BMP2K: variants seen among roughly 807,000 people sequenced by gnomAD.
The protein encoded by BMP2K is BMP2 inducible kinase.
BMP2K carries 74 observed loss-of-function variants against 116.0 expected under a neutral mutation model. The observed-to-expected ratio is 0.64, with a 90% CI of 0.53 to 0.77. The LOEUF (loss-of-function observed/expected upper bound fraction) is 0.77, where lower values mean the gene tolerates loss of function less well. BMP2K is among the 30% of genes least tolerant of loss of function. BMP2K has a pLI of 0.00. For synonymous variants in BMP2K, 486 were observed against 502.5 expected (o/e 0.97, Z 0.44); for missense variants, 1,365 against 1,403.6 (o/e 0.97, Z 0.44).
chr4:78,787,248 A>G (rs1727773278), intron 1 of BMP2K, among the ~76,000 whole-genome samples: 1 of 152,208 alleles, frequency 6.6e-6, no homozygotes, highest in Non-Finnish European at 1.5e-5. Flanking sequence ...CTGTTTTTGA[A>G]GTTCTGTCCA....
chr4:78,839,095 A>C lies in BMP2K; in HGVS notation c.404-3290A>C, dbSNP rs975875567. The stretch of plus-strand genomic sequence containing the variant: ...TTAATTAAAAAAAATTCCAAAACTC[A>C]ATAGCATAAAATAACTTTCGTTTAT... On this transcript the variant is annotated intron_variant, in intron 3 of 15. Transcript: ENST00000502613. 2.0e-5 allele frequency among the ~76,000 whole-genome samples: 3 copies of C among 152,326 alleles called. No individual in the cohort carries two copies. In the East Asian group the frequency reaches 5.8e-4, roughly 29 times the overall value.
intron 15 of BMP2K, among the ~76,000 whole-genome samples, chr4:78,895,100 A>G (rs1733634861): frequency 2.6e-5 from 4 of 152,222 alleles, no homozygotes; most frequent in Admixed American, 2.6e-4. Flanking sequence ...ATACAATAAT[A>G]ATGAAAAAGT....
rs201291536 is a variant in BMP2K, at chr4:78,870,785, G to T, written c.1234G>T (p.Ala412Ser). The T allele has an allele frequency of 1.1e-5, 18 of 1,612,912 alleles. No homozygotes were observed. The African/African-American group carries it at 1.9e-4, about 17-fold the overall frequency. Residue 412 changes from alanine to serine, a missense_variant and splice_region_variant, in exon 11 of 16, where the codon GCA becomes TCA. By Grantham distance (99) the Ala-to-Ser change is moderately conservative. Coordinates refer to ENST00000502613, the MANE Select transcript of BMP2K (RefSeq NM_198892.2). ...TAAGTGTTTGGACCTGTCTTTAGGG[G>T]CACTAAGACCTGGAAATGGCCCTGA... ...GEFGNHRPKGALRPGNGPEIL... is the reference protein window; with the variant it reads ...GEFGNHRPKGSLRPGNGPEIL...
At chr4:78,820,737 A>G (rs1431169010) in intron 1 of BMP2K, 1 of 152,192 alleles carries the variant, frequency 6.6e-6, no homozygotes, top group Non-Finnish European at 1.5e-5. Context: ...ACACCCAGTT[A>G]ATTTTTGTAT....
At chr4:78,857,699 A>C (rs955768936) in intron 7 of BMP2K, among the ~76,000 whole-genome samples, 3 of 152,088 alleles carry the variant, frequency 2.0e-5, no homozygotes, top group Admixed American at 6.6e-5. Flanking sequence ...ACCCTGTGTC[A>C]CTCACTGCTA....
chr4:78,844,854 A>AT, intron 4 of BMP2K, 74 bp from the exon 5 acceptor site: 2 of 1,369,308 alleles, frequency 1.5e-6, no homozygotes, highest in Non-Finnish European at 2.1e-6. Context: ...ACAAATAACC[A>AT]TTTTTTACAA....
chr4:78,824,971 G>A (rs1279086189), intron 1 of BMP2K, among the ~76,000 whole-genome samples: 3 of 152,172 alleles, frequency 2.0e-5, no homozygotes, highest in Non-Finnish European at 4.4e-5. Flanking sequence ...GGGGGACAAG[G>A]CGGGCGGATC....
At chr4:78,779,905 G>A (rs1457338418) in intron 1 of BMP2K, among the ~76,000 whole-genome samples, 3 of 152,098 alleles carry the variant, frequency 2.0e-5, no homozygotes, top group Non-Finnish European at 4.4e-5. Context: ...ACATAGTGAG[G>A]CAGTTCATGT....
intron 1 of BMP2K, among the ~76,000 whole-genome samples, chr4:78,785,691 CTGA>C (rs1727693565): frequency 6.6e-6 from 1 of 152,290 alleles, no homozygotes; most frequent in African/African-American, 2.4e-5. Flanking sequence ...AGTACTTTCT[CTGA>C]TGAAGTTTAC....
intron 13 of BMP2K, among the ~76,000 whole-genome samples, chr4:78,875,682 C>T (rs115575048): frequency 1.1e-3 from 174 of 152,230 alleles, no homozygotes; most frequent in Non-Finnish European, 2.0e-3. Flanking sequence ...AAGGCTGGGT[C>T]GGCTGTCCTC....
chr4:78,787,439 C>T (rs975842129), intron 1 of BMP2K, among the ~76,000 whole-genome samples: 1 of 152,140 alleles, frequency 6.6e-6, no homozygotes, highest in African/African-American at 2.4e-5. Flanking sequence ...ATGTGACTCT[C>T]AAAATGTTCT....
chr4:78,826,176 C>G (rs1249677825), intron 2 of BMP2K, 21 bp downstream of exon 2: 1 of 1,573,116 alleles, frequency 6.4e-7, no homozygotes, highest in Non-Finnish European at 8.7e-7. Flanking sequence ...GAGTAGTTCT[C>G]TTTCAGAAAT....
At chr4:78,845,070 C>T in intron 5 of BMP2K, 21 bp downstream of exon 5, 2 of 1,540,634 alleles carry the variant, frequency 1.3e-6, no homozygotes, top group Non-Finnish European at 1.8e-6. Flanking sequence ...GTCTTTATTG[C>T]ACTTTTGTCA....
At chr4:78,890,890 G>C (rs1273105511) in intron 15 of BMP2K, among the ~76,000 whole-genome samples, 1 of 152,128 alleles carries the variant, frequency 6.6e-6, no homozygotes, top group Non-Finnish European at 1.5e-5. Context: ...TGCATGAGAG[G>C]AAGTTCTAAG....
chr4:78,842,592 T>G, intron 4 of BMP2K, 65 bp downstream of exon 4: 1 of 1,420,848 alleles, frequency 7.0e-7, no homozygotes, highest in South Asian at 1.6e-5. Context: ...TTGGAGTATT[T>G]TCATCTAAAT....
At chr4:78,789,204 C>T (rs1028667532) in intron 1 of BMP2K, among the ~76,000 whole-genome samples, 1 of 152,204 alleles carries the variant, frequency 6.6e-6, no homozygotes, top group Non-Finnish European at 1.5e-5. Flanking sequence ...TTAGTTCCCT[C>T]ATTTAACCAT....
At chr4:78,865,453 C>T in intron 9 of BMP2K, 104 bp from the exon 10 acceptor site, 1 of 1,049,286 alleles carries the variant, frequency 9.5e-7, no homozygotes, top group Non-Finnish European at 1.4e-6. Context: ...ATGCGATTAT[C>T]AGTAATAGTT....
intron 1 of BMP2K, among the ~76,000 whole-genome samples, chr4:78,795,617 G>A (rs1044178535): frequency 1.3e-5 from 2 of 151,938 alleles, no homozygotes; most frequent in Non-Finnish European, 2.9e-5. Flanking sequence ...CAAAATGGGA[G>A]AAAATTTTCG....
chr4:78,882,868 T>C (rs1028516451), intron 14 of BMP2K, among the ~76,000 whole-genome samples: 2 of 152,032 alleles, frequency 1.3e-5, no homozygotes, highest in Non-Finnish European at 2.9e-5. Context: ...TAGTTTATTG[T>C]AAAATATTAA....
Sources: gnomAD v4.1 joint callset for allele counts (sites outside exome capture counted in the v4.1 genomes callset) on GRCh38, gnomAD v4.1.1 for gene constraint, MANE v1.5 for transcripts, NCBI Gene and HGNC (gene_info 2026-07-23, HGNC 2026-07-21) for gene names.